Variants in PAQR5 observed in about 807,000 individuals in gnomAD.
PAQR5 encodes the protein membrane progestin receptor gamma.
A neutral mutation model predicts 34.5 loss-of-function variants in PAQR5; 20 were observed. The observed-to-expected ratio is 0.58, with a 90% confidence interval of 0.41 to 0.84. The LOEUF (loss-of-function observed/expected upper bound fraction) is 0.84. PAQR5 is among the 40% of genes least tolerant of loss of function. The probability of loss-of-function intolerance (pLI) is 0.00; values close to 1 mark genes in which losing one functional copy is unlikely to be tolerated. For synonymous variants in PAQR5, 131 were observed against 155.6 expected (o/e 0.84, Z 1.18); for missense variants, 378 against 412.7 (o/e 0.92, Z 0.73).
At chr15:69,350,844 C>T (rs2054899765) in intron 2 of PAQR5, among the ~76,000 whole-genome samples, 1 of 152,172 alleles carries the variant, frequency 6.6e-6, no homozygotes, top group Non-Finnish European at 1.5e-5. Flanking sequence ...TACTATTACT[C>T]TTTCTCCCAG....
At chr15:69,363,845 A>C (rs4777139) in intron 3 of PAQR5, among the ~76,000 whole-genome samples, 151,720 of 152,226 alleles carry the variant, frequency 1, 75,608 homozygotes, top group Middle Eastern at 1. Flanking sequence ...TGAGCCACTG[A>C]ACCCAGACAA....
chr15:69,386,978 C>T lies in PAQR5; in HGVS notation c.385+2096C>T, dbSNP rs1049001727. Among the ~76,000 whole-genome samples, 25 of 152,118 alleles carry T rather than the reference C, an allele frequency of 1.6e-4. 1 individual carries two copies. In the East Asian group the frequency reaches 2.3e-3, roughly 14 times the overall value. ...TCCCCTTCCTCTCACTCCCCACCCA[C>T]GCCCACCCTCTGGCCAATTGGTTAT... On this transcript the variant is annotated intron_variant, in intron 5 of 8. Coordinates refer to ENST00000395407, the MANE Select transcript of PAQR5 (RefSeq NM_017705.4).
At chr15:69,348,856 C>A (rs1322370079) in intron 2 of PAQR5, among the ~76,000 whole-genome samples, 1 of 152,120 alleles carries the variant, frequency 6.6e-6, no homozygotes, top group Non-Finnish European at 1.5e-5. Flanking sequence ...ACTGCCCAGG[C>A]CCGATGGAGT....
At chr15:69,299,971 C>A (rs1595815143) in intron 1 of PAQR5, among the ~76,000 whole-genome samples, 2 of 152,280 alleles carry the variant, frequency 1.3e-5, no homozygotes, top group Admixed American at 1.3e-4. Context: ...AACACATGGG[C>A]AGATGAGAAG....
chr15:69,373,072 C>T (rs1192741310), intron 3 of PAQR5, among the ~76,000 whole-genome samples: 1 of 152,146 alleles, frequency 6.6e-6, no homozygotes, highest in African/African-American at 2.4e-5. Flanking sequence ...CTTCCTCCAT[C>T]TTCACATCAG....
chr15:69,344,126 G>A (rs1201853291), intron 2 of PAQR5, among the ~76,000 whole-genome samples: 1 of 152,194 alleles, frequency 6.6e-6, no homozygotes, highest in Non-Finnish European at 1.5e-5. Flanking sequence ...GGGCCACCAT[G>A]CCCGGCTACA....
intron 1 of PAQR5, among the ~76,000 whole-genome samples, chr15:69,308,207 A>G (rs987866211): frequency 1.3e-5 from 2 of 152,122 alleles, no homozygotes; most frequent in African/African-American, 2.4e-5. Context: ...ACACATTCTC[A>G]CTGCCAAGCT....
chr15:69,337,980 G>A (rs2054550001), intron 2 of PAQR5, among the ~76,000 whole-genome samples: 1 of 152,170 alleles, frequency 6.6e-6, no homozygotes, highest in South Asian at 2.1e-4. Context: ...GGGAAGCTGA[G>A]GCACGAGAAT....
At chr15:69,308,257 C>G (rs1042113772) in intron 1 of PAQR5, among the ~76,000 whole-genome samples, 2 of 152,092 alleles carry the variant, frequency 1.3e-5, no homozygotes, top group African/African-American at 2.4e-5. Context: ...GGGTAGAGAC[C>G]CAGAGATCAA....
Position 69,386,150 on chromosome 15 carries a change from C to A in PAQR5, c.385+1268C>A, listed in dbSNP as rs565682300. On this transcript the variant is annotated intron_variant, in intron 5 of 8. Coordinates refer to ENST00000395407, the MANE Select transcript of PAQR5 (RefSeq NM_017705.4). ...AATACACTCACATACACACTCACACCACATACACACTCACATGCTCATATA... is the reference window on the plus strand; with the variant it reads ...AATACACTCACATACACACTCACACAACATACACACTCACATGCTCATATA... Among the ~76,000 whole-genome samples the A allele has an allele frequency of 1.8e-3, 272 of 151,818 alleles. 2 individuals carry two copies. Among genetic ancestry groups the A allele is most frequent in the African/African-American group, 4.9e-3 (204 of 41,412 alleles).
At chr15:69,355,754 C>A (rs1394438725) in intron 2 of PAQR5, among the ~76,000 whole-genome samples, 2 of 151,974 alleles carry the variant, frequency 1.3e-5, no homozygotes, top group African/African-American at 4.8e-5. Flanking sequence ...TTATACATTT[C>A]TTGGAGACAA....
At chr15:69,340,831 TAGTCTGCGCTTCTCACAATAGTGGGGG>T (rs1339731088) in intron 2 of PAQR5, among the ~76,000 whole-genome samples, 1 of 152,212 alleles carries the variant, frequency 6.6e-6, no homozygotes, top group Non-Finnish European at 1.5e-5. Context: ...TGGATTGAAC[TAGTCTGCGCTTCTCACAATAGTGGGGG>T]AGGCAGTTTG....
chr15:69,360,157 T>A, intron 3 of PAQR5, 26 bp downstream of exon 3: 1 of 1,589,396 alleles, frequency 6.3e-7, no homozygotes, highest in Non-Finnish European at 8.6e-7. Flanking sequence ...ATTATGATGG[T>A]TCATTTCCAG....
rs565319454 is a variant in PAQR5 at position 69,385,482 on chromosome 15, C to T, written c.385+600C>T. ...CAATCAGAGAGATGCTCAGAGTGTG[C>T]GGGAATAGATCAGCAACCTAAGCTG... is the stretch of plus-strand genomic sequence containing the variant. On this transcript the variant is annotated intron_variant, in intron 5 of 8. Coordinates refer to ENST00000395407, the MANE Select transcript of PAQR5 (RefSeq NM_017705.4). The surrounding 1 kb of genome is among the most constrained non-coding windows in gnomAD (Gnocchi z 4.7). 2.6e-5 allele frequency among the ~76,000 whole-genome samples: 4 copies of T among 152,176 alleles called. No homozygotes were observed. Among genetic ancestry groups the T allele is most frequent in the South Asian group, 2.1e-4 (1 of 4,816 alleles).
intron 3 of PAQR5, among the ~76,000 whole-genome samples, chr15:69,372,700 C>G (rs2055596727): frequency 6.6e-6 from 1 of 152,166 alleles, no homozygotes; most frequent in African/African-American, 2.4e-5. Flanking sequence ...ATTTAAAGTT[C>G]TAGTAATTGC....
At chr15:69,306,639 G>A (rs1291959462) in intron 1 of PAQR5, among the ~76,000 whole-genome samples, 2 of 151,908 alleles carry the variant, frequency 1.3e-5, no homozygotes, top group Non-Finnish European at 1.5e-5. Flanking sequence ...TCTTGACCTC[G>A]TGATCTGCCC....
intron 2 of PAQR5, among the ~76,000 whole-genome samples, chr15:69,346,144 T>A (rs976449305): frequency 1.3e-5 from 2 of 152,206 alleles, no homozygotes; most frequent in Non-Finnish European, 2.9e-5. Context: ...GATTTTATAG[T>A]GTTGGTGAAA....
intron 2 of PAQR5, among the ~76,000 whole-genome samples, chr15:69,358,455 A>G (rs1455506620): frequency 1.3e-5 from 2 of 151,984 alleles, no homozygotes; most frequent in African/African-American, 2.4e-5. Context: ...CACTGGCTGG[A>G]CACAGACTTA....
chr15:69,300,948 CTTCT>C (rs1204219653), intron 1 of PAQR5, among the ~76,000 whole-genome samples: 127 of 3,636 alleles, frequency 0.035, 20 homozygotes, highest in Non-Finnish European at 0.04. Flanking sequence ...TCTTTCTTTC[CTTCT>C]TTCTTTCTTT....
Sources: allele counts gnomAD v4.1 joint callset (sites outside exome capture counted in the v4.1 genomes callset), GRCh38; gene constraint gnomAD v4.1.1; non-coding constraint Gnocchi (gnomAD v3.1); transcripts MANE v1.5; gene names NCBI Gene and HGNC (gene_info 2026-07-23, HGNC 2026-07-21).